IPO8: variants seen among roughly 807,000 people sequenced by gnomAD.
IPO8 encodes the protein importin-8.
Under a neutral mutation model 141.2 loss-of-function variants are expected in IPO8, and 65 were observed. That is an observed-to-expected ratio of 0.46 (90% confidence interval 0.38 to 0.57). The LOEUF (loss-of-function observed/expected upper bound fraction) is 0.57. Ranked by LOEUF, IPO8 falls within the 20% of genes least tolerant of loss-of-function variation. IPO8 has a pLI of 0.00. For synonymous variants in IPO8, 411 were observed against 420.3 expected, an observed-to-expected ratio of 0.98 and a Z score of 0.27; for missense variants, 980 against 1,246.8, an observed-to-expected ratio of 0.79 and a Z score of 3.22.
Position 30,656,756 on chromosome 12 carries a change from G to A in IPO8, c.1882-6C>T, listed in dbSNP as rs536768134. On this transcript the variant is annotated splice_polypyrimidine_tract_variant and splice_region_variant and intron_variant, in intron 16 of 24. Coordinates refer to ENST00000256079, the MANE Select transcript of IPO8 (RefSeq NM_006390.4). ...TTCTCTAACTGCTGGGTAATCTAAA[G>A]ATAAATGTTAAATATTAAGCTTAAA... 6.6e-5 allele frequency: 93 copies of A among 1,408,038 alleles called. No individual in the cohort carries two copies. The South Asian group carries it at 1.2e-3, about 18-fold the overall frequency. The allele number at this position is 1,408,038 out of a possible 1,614,324, so 87.2% of individuals were successfully genotyped here.
At chr12:30,656,236 C>G (rs1218597597) in intron 17 of IPO8, among the ~76,000 whole-genome samples, 1 of 152,130 alleles carries the variant, frequency 6.6e-6, no homozygotes, top group East Asian at 1.9e-4. Context: ...CAGTGTTTCA[C>G]CATGTTGCAC....
chr12:30,667,355 C>T (rs1184451713), intron 10 of IPO8, among the ~76,000 whole-genome samples: 3 of 152,188 alleles, frequency 2.0e-5, no homozygotes, highest in Non-Finnish European at 4.4e-5. Context: ...AGCATTCACA[C>T]CCACGCTATC....
chr12:30,679,408 A>C (rs2053162315), intron 5 of IPO8, among the ~76,000 whole-genome samples: 1 of 152,202 alleles, frequency 6.6e-6, no homozygotes, highest in African/African-American at 2.4e-5. Flanking sequence ...TTATTTCATT[A>C]GCCTTTGTCT....
chr12:30,687,669 C>A lies in IPO8; in HGVS notation c.166+2827G>T, dbSNP rs541399052. On this transcript the variant is annotated intron_variant, in intron 2 of 24. Coordinates refer to ENST00000256079, the MANE Select transcript of IPO8 (RefSeq NM_006390.4). ...ATATTAAATAGATTCTGAGCACAAG[C>A]CACAAAGCTTTCTACAAATAAAATG... Among the ~76,000 whole-genome samples the A allele has an allele frequency of 2.6e-5, 4 of 152,090 alleles. No homozygotes were observed. In the South Asian group the frequency reaches 8.3e-4, roughly 32 times the overall value.
intron 21 of IPO8, 126 bp downstream of exon 21, chr12:30,639,389 T>C (rs1345250935): frequency 3.1e-6 from 2 of 639,468 alleles, no homozygotes; most frequent in African/African-American, 1.8e-5. Context: ...AAATTAAATA[T>C]TAACAATACA....
chr12:30,649,248 T>C lies in IPO8; in HGVS notation c.2173-16A>G. On this transcript the variant is annotated splice_polypyrimidine_tract_variant and intron_variant, in intron 19 of 24. Transcript: ENST00000256079. ...CACATAGTACCTGCAGTAATTACAATTTAGCTCAGCAGTAAGTGGCACTGC... is the reference window on the plus strand; with the variant it reads ...CACATAGTACCTGCAGTAATTACAACTTAGCTCAGCAGTAAGTGGCACTGC... The C allele has an allele frequency of 1.9e-6, 3 of 1,592,304 alleles. No homozygotes were observed. Among genetic ancestry groups the C allele is most frequent in the Non-Finnish European group, 2.6e-6 (3 of 1,161,280 alleles).
intron 2 of IPO8, among the ~76,000 whole-genome samples, chr12:30,689,986 G>A (rs11051031): frequency 0.01 from 1,551 of 152,170 alleles, 34 homozygotes; most frequent in East Asian, 0.084. Flanking sequence ...ATAAAAGAAC[G>A]ATGTACAACA....
At chr12:30,638,411 C>A (rs113716119) in intron 21 of IPO8, among the ~76,000 whole-genome samples, 1 of 152,174 alleles carries the variant, frequency 6.6e-6, no homozygotes, top group Non-Finnish European at 1.5e-5. Flanking sequence ...CCATTCCTAA[C>A]GCCCCACCCT....
At position 30,634,192 on chromosome 12, in the gene IPO8, A is replaced by G. The variant is rs2052471603; in HGVS notation, c.2790T>C (p.Asp930=). The change falls in exon 23 of 25, where the codon GAT becomes GAC. Residue 930 remains aspartate (D), a synonymous_variant. Transcript: ENST00000256079. ...CTTCCAATACTTCTTCATCCCAGTCATCATCTTCCTCCTCCTCATCTTCAC... is the reference window on the plus strand; with the variant it reads ...CTTCCAATACTTCTTCATCCCAGTCGTCATCTTCCTCCTCCTCATCTTCAC... ...GRGEDEEEED[D]DWDEEVLEET... The G allele has an allele frequency of 6.2e-7, 1 of 1,613,984 alleles. No individual in the cohort carries two copies. Among genetic ancestry groups the G allele is most frequent in the East Asian group, 2.2e-5 (1 of 44,870 alleles).
intron 22 of IPO8, among the ~76,000 whole-genome samples, chr12:30,635,076 T>C (rs746557012): frequency 1.3e-5 from 2 of 152,128 alleles, no homozygotes; most frequent in Admixed American, 6.5e-5. Flanking sequence ...GAAAGACACA[T>C]ACTGCCTGTT....
At chr12:30,675,614 T>C (rs1357823171) in intron 6 of IPO8, among the ~76,000 whole-genome samples, 1 of 149,484 alleles carries the variant, frequency 6.7e-6, no homozygotes, top group Non-Finnish European at 1.5e-5. Context: ...GATCACGAGG[T>C]CAGGAGATCG....
At chr12:30,653,580 T>C (rs1186369750) in intron 17 of IPO8, among the ~76,000 whole-genome samples, 1 of 152,082 alleles carries the variant, frequency 6.6e-6, no homozygotes, top group East Asian at 1.9e-4. Flanking sequence ...TTACAAAACT[T>C]GTAAAACGTA....
chr12:30,673,991 T>C lies in IPO8; in HGVS notation c.908A>G (p.Gln303Arg). ...ATTTTAAAAGCATAAGTTTATTACC[T>C]GCTGAATGCCCACTGCATAGGTTTT... is the stretch of plus-strand genomic sequence containing the variant. ...FLKTYAVGIQ[Q>R]VLLKILDQYR... The change falls in exon 8 of 25, where the codon CAG becomes CGG. Residue 303 changes from glutamine to arginine, a missense_variant and splice_region_variant. Coordinates refer to ENST00000256079, the MANE Select transcript of IPO8 (RefSeq NM_006390.4). The C allele has an allele frequency of 1.3e-6, 2 of 1,558,808 alleles. No homozygotes were observed. The highest frequency in any genetic ancestry group is 1.8e-6 in the Non-Finnish European group (2 of 1,138,308).
Position 30,695,109 on chromosome 12 carries a change from C to T in IPO8, c.84+455G>A. ...TGTCAAAACAGTCCTGCCAACCCGA[C>T]AGGAGGAGGCGGTGGGCAGCGTGCT... On this transcript the variant is annotated intron_variant, in intron 1 of 24. Transcript: ENST00000256079. This position sits in a 1 kb window ranked among gnomAD's most constrained non-coding sequence, Gnocchi z 4.2. 1 of 437,762 alleles carries T rather than the reference C, an allele frequency of 2.3e-6. No homozygotes were observed. The highest frequency in any genetic ancestry group is 4.5e-6 in the Non-Finnish European group (1 of 219,840). The allele number at this position is 437,762 out of a possible 1,614,324, so 27.1% of individuals were successfully genotyped here. A position where few individuals can be genotyped will look rare whatever the true frequency, so the allele number is the denominator to read the frequency against.
At position 30,694,641 on chromosome 12, in the gene IPO8, T is replaced by A. The variant is rs150953467; in HGVS notation, c.84+923A>T. Among the ~76,000 whole-genome samples the A allele has an allele frequency of 5.3e-3, 803 of 152,316 alleles. 8 individuals carry two copies. Among genetic ancestry groups the A allele is most frequent in the African/African-American group, 0.019 (774 of 41,568 alleles). ...GAAGCCCCGTAATTTGCATAATTTGTAAGTTCTCAGGTGATGCTGAAGCTC... is the reference window on the plus strand; with the variant it reads ...GAAGCCCCGTAATTTGCATAATTTGAAAGTTCTCAGGTGATGCTGAAGCTC... On this transcript the variant is annotated intron_variant, in intron 1 of 24. Transcript: ENST00000256079.
Position 30,695,502 on chromosome 12 carries a change from C to A in IPO8, c.84+62G>T. ...GACGAGGGGCGCCGGGGAGAGGGAG[C>A]CCGGCCAGCCGGCAGGGGCGCCCCT... On this transcript the variant is annotated intron_variant, in intron 1 of 24. Transcript: ENST00000256079. The surrounding 1 kb of genome is among the most constrained non-coding windows in gnomAD (Gnocchi z 4.2). The A allele has an allele frequency of 2.0e-6, 3 of 1,483,484 alleles. No homozygotes were observed. The highest frequency in any genetic ancestry group is 2.3e-5 in the East Asian group (1 of 43,668). The allele number at this position is 1,483,484 out of a possible 1,614,324, so 91.9% of individuals were successfully genotyped here.
chr12:30,674,294 A>C (rs573834251), intron 7 of IPO8, among the ~76,000 whole-genome samples: 2 of 152,312 alleles, frequency 1.3e-5, no homozygotes, highest in African/African-American at 2.4e-5. Context: ...CACTTGCTAA[A>C]CCAAGAGCTC....
At chr12:30,661,661 A>C (rs1044285546) in intron 15 of IPO8, among the ~76,000 whole-genome samples, 1 of 152,104 alleles carries the variant, frequency 6.6e-6, no homozygotes, top group South Asian at 2.1e-4. Flanking sequence ...GTTTTTAAAA[A>C]AATTAAGAGA....
intron 5 of IPO8, among the ~76,000 whole-genome samples, chr12:30,679,373 A>G (rs1306687443): frequency 1.3e-5 from 2 of 152,196 alleles, no homozygotes; most frequent in Non-Finnish European, 2.9e-5. Flanking sequence ...TAGCAAACCA[A>G]TTAGAGGTAG....
Sources: allele counts gnomAD v4.1 joint callset (sites outside exome capture counted in the v4.1 genomes callset), GRCh38; gene constraint gnomAD v4.1.1; non-coding constraint Gnocchi (gnomAD v3.1); transcripts MANE v1.5; gene names NCBI Gene and HGNC (gene_info 2026-07-23, HGNC 2026-07-21).